The following ELP3 variants were observed in gnomAD, a reference collection of about 807,000 sequenced individuals.
ELP3 encodes the protein elongator acetyltransferase complex subunit 3, also known as elongator complex protein 3.
A neutral mutation model predicts 74.9 loss-of-function variants in ELP3; 56 were observed. The observed-to-expected ratio is 0.75, with a 90% CI of 0.60 to 0.93. The LOEUF (loss-of-function observed/expected upper bound fraction) is 0.93. Among genes scored for constraint, ELP3 ranks in the 40% least tolerant of loss-of-function variants. The pLI, the probability that ELP3 is intolerant of heterozygous loss-of-function variation, is 0.00. For synonymous variants in ELP3, 222 were observed against 239.8 expected, an observed-to-expected ratio of 0.93 and a Z score of 0.68; for missense variants, 573 against 686.5, an observed-to-expected ratio of 0.83 and a Z score of 1.85.
chr8:28,103,962 C>T (rs1811588937), intron 3 of ELP3, among the ~76,000 whole-genome samples: 1 of 152,190 alleles, frequency 6.6e-6, no homozygotes. Context: ...CTCCTAGGCT[C>T]AAGGGATCCT....
chr8:28,152,750 G>C (rs1341919127), intron 10 of ELP3, among the ~76,000 whole-genome samples: 1 of 152,208 alleles, frequency 6.6e-6, no homozygotes, highest in Non-Finnish European at 1.5e-5. Context: ...AGGTTGCAGT[G>C]AGCTGAGATC....
chr8:28,119,842 A>T (rs559891326), intron 7 of ELP3, among the ~76,000 whole-genome samples: 1 of 151,930 alleles, frequency 6.6e-6, no homozygotes, highest in Non-Finnish European at 1.5e-5. Context: ...AGAACTTCAT[A>T]TAAATGGAAC....
intron 7 of ELP3, among the ~76,000 whole-genome samples, chr8:28,121,849 C>T (rs1379003998): frequency 6.6e-6 from 1 of 152,196 alleles, no homozygotes; most frequent in Non-Finnish European, 1.5e-5. Context: ...CCTTACTGCA[C>T]TGCCTAGGAC....
At chr8:28,133,768 C>A (rs1221269405) in intron 9 of ELP3, among the ~76,000 whole-genome samples, 15 of 152,162 alleles carry the variant, frequency 9.9e-5, no homozygotes, top group Admixed American at 9.2e-4. Flanking sequence ...ATTTTTTAAG[C>A]TGGTGAACTG....
At chr8:28,164,107 A>G (rs1461500794) in intron 14 of ELP3, among the ~76,000 whole-genome samples, 42 of 152,174 alleles carry the variant, frequency 2.8e-4, no homozygotes, top group Admixed American at 2.7e-3. Context: ...GAGCATGCAT[A>G]TTCCATCACT....
intron 9 of ELP3, among the ~76,000 whole-genome samples, chr8:28,135,960 CTTTTTT>C (rs1174760093): frequency 7.1e-6 from 1 of 141,046 alleles, no homozygotes; most frequent in Non-Finnish European, 1.6e-5. Flanking sequence ...TTTCCTGTTC[CTTTTTT>C]TTTTTTTTTT....
At position 28,189,809 on chromosome 8, in the gene ELP3, C is replaced by T. The variant is rs1263599056; in HGVS notation, c.*84C>T. ...ATTTCTTAAATACTCAACAGAGAGG[C>T]TGAGCAGAGCAAATGGGGGGCTTCA... On this transcript the variant is annotated 3_prime_UTR_variant, in exon 15 of 15. Transcript: ENST00000256398. 4 of 1,428,582 alleles carry T rather than the reference C, an allele frequency of 2.8e-6. No individual in the cohort carries two copies. The African/African-American group carries it at 5.6e-5, about 20-fold the overall frequency. 88.5% of individuals were successfully genotyped at this position (1,428,582 alleles called of 1,614,324 possible).
chr8:28,153,250 C>T (rs1327182168), intron 10 of ELP3, among the ~76,000 whole-genome samples: 1 of 152,178 alleles, frequency 6.6e-6, no homozygotes, highest in Admixed American at 6.5e-5. Context: ...TAATATTCTT[C>T]CCTAATGTCA....
intron 3 of ELP3, among the ~76,000 whole-genome samples, chr8:28,105,403 A>C (rs542017372): frequency 5.9e-5 from 9 of 152,262 alleles, no homozygotes; most frequent in African/African-American, 2.2e-4. Flanking sequence ...AAGGAAAAAA[A>C]AGGAAAATGT....
At chr8:28,092,932 T>C (rs1811097148), upstream of ELP3, 6 of 578,604 alleles carry the variant, frequency 1.0e-5, no homozygotes, top group South Asian at 1.2e-4. Flanking sequence ...AGGTCGAGCT[T>C]TCTAACCCCA....
chr8:28,096,247 T>C (rs1015466101), intron 1 of ELP3, among the ~76,000 whole-genome samples: 1 of 152,220 alleles, frequency 6.6e-6, no homozygotes, highest in Admixed American at 6.5e-5. Context: ...GAATTCGTTA[T>C]GGTGAATTGT....
chr8:28,107,732 T>A (rs958560000), intron 4 of ELP3, among the ~76,000 whole-genome samples, 181 bp from the exon 5 acceptor site: 1 of 152,266 alleles, frequency 6.6e-6, no homozygotes, highest in African/African-American at 2.4e-5. Flanking sequence ...CATATTTATC[T>A]TATTTACTTC....
intron 14 of ELP3, among the ~76,000 whole-genome samples, chr8:28,180,618 C>G (rs1248557018): frequency 1.3e-5 from 2 of 152,150 alleles, no homozygotes; most frequent in Non-Finnish European, 2.9e-5. Flanking sequence ...TTATCATTTG[C>G]TGAGCATTTT....
chr8:28,169,028 C>T (rs1814417275), intron 14 of ELP3, among the ~76,000 whole-genome samples: 1 of 152,184 alleles, frequency 6.6e-6, no homozygotes, highest in Admixed American at 6.5e-5. Context: ...CTGGCTTAAG[C>T]TGTTGTCTCT....
intron 9 of ELP3, among the ~76,000 whole-genome samples, chr8:28,137,319 G>T (rs1813027118): frequency 6.6e-6 from 1 of 152,110 alleles, no homozygotes; most frequent in South Asian, 2.1e-4. Context: ...AGTCAGAGGG[G>T]CCTCTCTGAA....
intron 10 of ELP3, among the ~76,000 whole-genome samples, chr8:28,152,500 G>A (rs796192659): frequency 2.8e-4 from 43 of 152,006 alleles, no homozygotes; most frequent in African/African-American, 2.7e-4. Flanking sequence ...GTGCTTTGGC[G>A]TCATGTATAA....
At chr8:28,105,919 A>C (rs186153749) in intron 3 of ELP3, among the ~76,000 whole-genome samples, 1 of 152,214 alleles carries the variant, frequency 6.6e-6, no homozygotes, top group Admixed American at 6.5e-5. Flanking sequence ...ATTTACACCC[A>C]GACCCTGAAA....
intron 14 of ELP3, among the ~76,000 whole-genome samples, chr8:28,181,272 C>A (rs11786174): frequency 0.093 from 14,120 of 152,224 alleles, 818 homozygotes; most frequent in Middle Eastern, 0.16. Context: ...ACTCTTCTGC[C>A]CTGCCTCTAG....
intron 10 of ELP3, among the ~76,000 whole-genome samples, chr8:28,154,549 A>G (rs951006844): frequency 6.6e-6 from 1 of 152,178 alleles, no homozygotes; most frequent in African/African-American, 2.4e-5. Flanking sequence ...TTAATAATTT[A>G]TATATTTGTG....
Sources: allele counts gnomAD v4.1 joint callset (sites outside exome capture counted in the v4.1 genomes callset), GRCh38; gene constraint gnomAD v4.1.1; transcripts MANE v1.5; gene names NCBI Gene and HGNC (gene_info 2026-07-23, HGNC 2026-07-21).